The following TMEM62 variants were observed in gnomAD, a reference collection of about 807,000 sequenced individuals.
TMEM62 encodes transmembrane protein 62.
TMEM62 carries 41 observed loss-of-function variants against 70.4 expected under a neutral mutation model. The observed-to-expected ratio is 0.58, with a 90% CI of 0.45 to 0.76. TMEM62 has a LOEUF of 0.76. Among genes scored for constraint, TMEM62 ranks in the 30% least tolerant of loss-of-function variants. TMEM62 has a pLI of 0.00. For synonymous variants in TMEM62, 268 were observed against 291.0 expected (o/e 0.92, Z 0.80); for missense variants, 688 against 788.5 (o/e 0.87, Z 1.53).
At position 43,146,576 on chromosome 15, in the gene TMEM62, A is replaced by C; in HGVS notation, c.560A>C (p.Asp187Ala). 1 of 1,613,678 alleles carries C rather than the reference A, an allele frequency of 6.2e-7. No individual in the cohort carries two copies. The highest frequency in any genetic ancestry group is 8.5e-7 in the Non-Finnish European group (1 of 1,179,654). ...GGCAACTATTCGTTCATCTGTGTAG[A>C]TGCCACTGTAAATCCAGGGCCTAAG... ...PFGNYSFICV[D>A]ATVNPGPKRP... is the part of the protein sequence containing the mutation. The change falls in exon 5 of 14, where the codon GAT (aspartate) becomes GCT (alanine). Residue 187 changes from aspartate (D) to alanine (A), a missense_variant. By Grantham distance (126) the Asp-to-Ala change is moderately radical (BLOSUM62 -2). Coordinates refer to ENST00000260403, the MANE Select transcript of TMEM62 (RefSeq NM_024956.4).
At chr15:43,159,897 T>A (rs77126602) in intron 9 of TMEM62, among the ~76,000 whole-genome samples, 1,642 of 152,102 alleles carry the variant, frequency 0.011, 25 homozygotes, top group African/African-American at 0.036. Context: ...AATAAAAAAA[T>A]TTTTTTTAAA....
At chr15:43,154,158 T>C (rs2037750679) in intron 8 of TMEM62, among the ~76,000 whole-genome samples, 1 of 152,206 alleles carries the variant, frequency 6.6e-6, no homozygotes, top group Non-Finnish European at 1.5e-5. Context: ...GGAACACACA[T>C]GTGTCAGTCA....
At chr15:43,175,697 T>C (rs1198013933) in intron 11 of TMEM62, among the ~76,000 whole-genome samples, 3 of 152,208 alleles carry the variant, frequency 2.0e-5, no homozygotes, top group Non-Finnish European at 4.4e-5. Flanking sequence ...GGGAAAGCGC[T>C]GGCAGCCAAG....
At chr15:43,134,099 C>A (rs555736002) in intron 1 of TMEM62, 117 bp downstream of exon 1, 74 of 1,430,076 alleles carry the variant, frequency 5.2e-5, no homozygotes, top group Middle Eastern at 4.9e-4. Flanking sequence ...GATTGTAACT[C>A]GAGGCTCTGT....
At chr15:43,135,080 A>T (rs2035023861) in intron 2 of TMEM62, among the ~76,000 whole-genome samples, 1 of 152,240 alleles carries the variant, frequency 6.6e-6, no homozygotes, top group African/African-American at 2.4e-5. Context: ...TCCACCTGCC[A>T]CATTGCTTCT....
At chr15:43,179,021 T>G (rs2041072033) in intron 12 of TMEM62, among the ~76,000 whole-genome samples, 1 of 152,220 alleles carries the variant, frequency 6.6e-6, no homozygotes, top group African/African-American at 2.4e-5. Context: ...TTAGTCTATA[T>G]CTCATCACAG....
At chr15:43,176,648 C>T (rs974420791) in intron 11 of TMEM62, among the ~76,000 whole-genome samples, 1 of 151,494 alleles carries the variant, frequency 6.6e-6, no homozygotes, top group East Asian at 1.9e-4. Context: ...GGAAAACTAA[C>T]AAACAGAAAG....
At chr15:43,152,965 T>A (rs931801370) in intron 8 of TMEM62, among the ~76,000 whole-genome samples, 3 of 152,204 alleles carry the variant, frequency 2.0e-5, no homozygotes, top group African/African-American at 7.2e-5. Flanking sequence ...ATAATTATAA[T>A]CATAAGGCAC....
intron 11 of TMEM62, among the ~76,000 whole-genome samples, chr15:43,177,889 C>T (rs2040928975): frequency 6.6e-6 from 1 of 151,636 alleles, no homozygotes; most frequent in Non-Finnish European, 1.5e-5. Context: ...GGAGATATAC[C>T]TAATGCTAAA....
At position 43,184,614 on chromosome 15, in the gene TMEM62, G is replaced by A. The variant is rs1413768946; in HGVS notation, c.*28G>A. 7 of 1,594,210 alleles carry A rather than the reference G, an allele frequency of 4.4e-6. No homozygotes were observed. Among genetic ancestry groups the A allele is most frequent in the Non-Finnish European group, 6.0e-6 (7 of 1,172,398 alleles). On this transcript the variant is annotated 3_prime_UTR_variant, in exon 14 of 14. Transcript: ENST00000260403. Reference sequence around the variant, plus strand: ...GCCATGTCTCACCACTGGCAGCTGGGCAGAAGCCCAGCCTCTGTGTCTGTA... The same window carrying A: ...GCCATGTCTCACCACTGGCAGCTGGACAGAAGCCCAGCCTCTGTGTCTGTA...
Position 43,178,489 on chromosome 15 carries a change from T to C in TMEM62, c.1382-118T>C, listed in dbSNP as rs866618988. 28 of 625,664 alleles carry C rather than the reference T, an allele frequency of 4.5e-5. No individual in the cohort carries two copies. In the African/African-American group the frequency reaches 5.0e-4, roughly 11 times the overall value. The allele number at this position is 625,664 out of a possible 1,614,324, so 38.8% of individuals were successfully genotyped here. On this transcript the variant is annotated intron_variant, in intron 11 of 13. Transcript: ENST00000260403. ...AGTGGTGTCATCTGTATAGTTACCATCTAACAAAGGATTTGCTGAATATAT... is the reference window on the plus strand; with the variant it reads ...AGTGGTGTCATCTGTATAGTTACCACCTAACAAAGGATTTGCTGAATATAT...
chr15:43,141,100 A>G (rs1209482131), intron 4 of TMEM62, among the ~76,000 whole-genome samples: 2 of 152,222 alleles, frequency 1.3e-5, no homozygotes, highest in African/African-American at 2.4e-5. Flanking sequence ...GGGTGATAGC[A>G]TCTCCTGTCT....
chr15:43,141,306 C>T (rs999674250), intron 4 of TMEM62, among the ~76,000 whole-genome samples: 5 of 152,210 alleles, frequency 3.3e-5, no homozygotes, highest in Non-Finnish European at 7.3e-5. Flanking sequence ...TGCCCACTTA[C>T]CATTCTGAAA....
chr15:43,141,900 G>A (rs992904256), intron 4 of TMEM62, among the ~76,000 whole-genome samples: 2 of 152,160 alleles, frequency 1.3e-5, no homozygotes, highest in African/African-American at 4.8e-5. Context: ...AATTAGAAGT[G>A]GAGCCTGAAG....
chr15:43,167,234 C>T (rs1015699188), intron 10 of TMEM62, among the ~76,000 whole-genome samples: 3 of 151,750 alleles, frequency 2.0e-5, no homozygotes, highest in Admixed American at 1.3e-4. Context: ...ACCTCCCTCC[C>T]GGATGGGGCG....
At chr15:43,181,509 T>C (rs956889759) in intron 13 of TMEM62, among the ~76,000 whole-genome samples, 2 of 150,788 alleles carry the variant, frequency 1.3e-5, no homozygotes, top group African/African-American at 4.8e-5. Context: ...CTAAAATACA[T>C]TTTTTTTTCC....
chr15:43,148,482 T>C (rs2036943729), intron 5 of TMEM62, among the ~76,000 whole-genome samples: 1 of 152,198 alleles, frequency 6.6e-6, no homozygotes. Context: ...TAAAGATTAG[T>C]GATGACTTCA....
intron 7 of TMEM62, among the ~76,000 whole-genome samples, chr15:43,149,832 G>T (rs569028526): frequency 3.2e-4 from 48 of 152,210 alleles, no homozygotes; most frequent in African/African-American, 1.1e-3. Context: ...TACCATACTG[G>T]TTATTGTTAC....
chr15:43,162,311 T>G (rs1260129094), intron 10 of TMEM62, among the ~76,000 whole-genome samples: 2 of 151,088 alleles, frequency 1.3e-5, no homozygotes, highest in Non-Finnish European at 3.0e-5. Flanking sequence ...CTTTTTTTTT[T>G]TTTTTTCAGT....
Sources: gnomAD v4.1 joint callset for allele counts (sites outside exome capture counted in the v4.1 genomes callset) on GRCh38, gnomAD v4.1.1 for gene constraint, MANE v1.5 for transcripts, NCBI Gene and HGNC (gene_info 2026-07-23, HGNC 2026-07-21) for gene names.